Variants in RCC2 observed in about 807,000 individuals in gnomAD.
RCC2 encodes the protein protein RCC2.
In RCC2, 19 loss-of-function variants were observed where a neutral mutation model predicts 64.1. The ratio of observed to expected loss-of-function variants is 0.30; its 90% CI spans 0.21 to 0.44. RCC2 has a LOEUF of 0.44. Among genes scored for constraint, RCC2 ranks in the 20% least tolerant of loss-of-function variants. The pLI is 1.00. For missense variants in RCC2, 508 were observed against 710.4 expected, an observed-to-expected ratio of 0.72 and a Z score of 3.24; for synonymous variants, 325 against 279.6, an observed-to-expected ratio of 1.16 and a Z score of -1.62.
At chr1:17,414,668 G>T (rs1215554437) in intron 8 of RCC2, among the ~76,000 whole-genome samples, 2 of 151,364 alleles carry the variant, frequency 1.3e-5, no homozygotes, top group African/African-American at 4.9e-5. Context: ...CTCGTGCTCT[G>T]TTACCTAGGC....
At chr1:17,432,524 G>A (rs1019747587) in intron 2 of RCC2, among the ~76,000 whole-genome samples, 11 of 152,224 alleles carry the variant, frequency 7.2e-5, no homozygotes, top group African/African-American at 2.7e-4. Flanking sequence ...GGGCACCTGT[G>A]CTCAGTATGA....
chr1:17,432,675 C>T (rs775741172), intron 2 of RCC2, among the ~76,000 whole-genome samples: 2 of 152,252 alleles, frequency 1.3e-5, no homozygotes, highest in East Asian at 1.9e-4. Context: ...AGAGCTTAAC[C>T]GCAGTGGCCT....
At chr1:17,432,562 G>C (rs1366750540) in intron 2 of RCC2, among the ~76,000 whole-genome samples, 1 of 152,174 alleles carries the variant, frequency 6.6e-6, no homozygotes, top group Non-Finnish European at 1.5e-5. Context: ...ACCCTACACT[G>C]AGATGCAACC....
chr1:17,423,532 G>A (rs1415306483), intron 4 of RCC2, among the ~76,000 whole-genome samples: 2 of 152,338 alleles, frequency 1.3e-5, no homozygotes, highest in East Asian at 1.9e-4. Context: ...GCAGGCCTGA[G>A]GGCCAACCCC....
At chr1:17,423,520 A>G (rs1366888973) in intron 4 of RCC2, among the ~76,000 whole-genome samples, 5 of 152,244 alleles carry the variant, frequency 3.3e-5, no homozygotes, top group Admixed American at 2.6e-4. Context: ...TTCCAGCGGA[A>G]GGCAGGCCTG....
chr1:17,416,133 T>C (rs1038226956), intron 8 of RCC2, among the ~76,000 whole-genome samples: 2 of 148,122 alleles, frequency 1.4e-5, no homozygotes, highest in African/African-American at 5.0e-5. Context: ...ACATCCCCAG[T>C]ATGGGGCACC....
At chr1:17,436,462 C>G (rs1446280875) in intron 2 of RCC2, among the ~76,000 whole-genome samples, 8 of 152,258 alleles carry the variant, frequency 5.3e-5, no homozygotes, top group Non-Finnish European at 1.2e-4. Context: ...GAGCTGAGAT[C>G]GTGCCACTGC....
Position 17,407,559 on chromosome 1 carries a change from G to A in RCC2, c.*1531C>T, listed in dbSNP as rs3737768. ...GCCAGTCTCCTCCCACAGGGCCTTG[G>A]GACTGGCAGGACAGACACTGCTACA... On this transcript the variant is annotated 3_prime_UTR_variant, in exon 13 of 13. Coordinates refer to ENST00000375436, the MANE Select transcript of RCC2 (RefSeq NM_018715.4). The A allele has an allele frequency of 6.5e-6, 1 of 152,684 alleles. No individual in the cohort carries two copies. Among genetic ancestry groups the A allele is most frequent in the East Asian group, 1.9e-4 (1 of 5,178 alleles). The allele number at this position is 152,684 out of a possible 1,614,324, so 9.5% of individuals were successfully genotyped here.
intron 12 of RCC2, among the ~76,000 whole-genome samples, chr1:17,409,576 A>G (rs549293376): frequency 6.6e-5 from 10 of 152,264 alleles, no homozygotes; most frequent in African/African-American, 2.2e-4. Context: ...AGGCTGGCTG[A>G]CTGAGCCGCA....
rs113904239 is a variant in RCC2 at position 17,422,247 on chromosome 1, G to A, written c.700C>T (p.Leu234=). The change falls in exon 6 of 13, where the codon CTG becomes TTG. Residue 234 remains leucine (L), a synonymous_variant. Coordinates refer to ENST00000375436, the MANE Select transcript of RCC2 (RefSeq NM_018715.4). The part of the protein sequence containing the change: ...FAFGENKMGQ[L]GLGNQTDAVP... ...GCGTCTGTCTGGTTGCCAAGGCCCAGCTGCCCCATCTTGTTTTCCCCAAAC... is the reference window on the plus strand; with the variant it reads ...GCGTCTGTCTGGTTGCCAAGGCCCAACTGCCCCATCTTGTTTTCCCCAAAC... 1.9e-6 allele frequency: 3 copies of A among 1,612,116 alleles called. No individual in the cohort carries two copies. The highest frequency in any genetic ancestry group is 1.3e-5 in the African/African-American group (1 of 74,856).
chr1:17,431,648 G>A (rs919630028), intron 2 of RCC2, among the ~76,000 whole-genome samples: 4 of 151,560 alleles, frequency 2.6e-5, no homozygotes, highest in Non-Finnish European at 4.4e-5. Context: ...TCTTCATGAC[G>A]GATGATTTCC....
intron 4 of RCC2, among the ~76,000 whole-genome samples, chr1:17,424,592 G>A (rs1358382274): frequency 6.6e-6 from 1 of 152,184 alleles, no homozygotes; most frequent in Non-Finnish European, 1.5e-5. Flanking sequence ...TACAAAATTA[G>A]CCATGTGCAG....
intron 7 of RCC2, among the ~76,000 whole-genome samples, chr1:17,418,142 C>T (rs746136312): frequency 5.9e-5 from 9 of 151,982 alleles, no homozygotes; most frequent in East Asian, 3.9e-4. Flanking sequence ...ATCACAACTA[C>T]GCTACACACA....
chr1:17,413,418 CA>C (rs1212796885), intron 9 of RCC2, 118 bp downstream of exon 9: 8 of 1,161,510 alleles, frequency 6.9e-6, no homozygotes, highest in African/African-American at 1.6e-5. Context: ...GTTCCTGTCT[CA>C]AAAAAATAAA....
At chr1:17,412,234 C>T (rs1208256585) in intron 10 of RCC2, 40 bp from the exon 11 acceptor site, 35 of 1,592,798 alleles carry the variant, frequency 2.2e-5, no homozygotes, top group Non-Finnish European at 2.8e-5. Flanking sequence ...CCAGCAGCCC[C>T]AGACCTGCAC....
intron 7 of RCC2, among the ~76,000 whole-genome samples, chr1:17,420,095 G>A (rs1006721240): frequency 1.3e-5 from 2 of 152,188 alleles, no homozygotes; most frequent in African/African-American, 2.4e-5. Context: ...AGCCACAACC[G>A]GGAAGCGCAC....
intron 2 of RCC2, among the ~76,000 whole-genome samples, chr1:17,437,619 C>A (rs1268115709): frequency 6.6e-6 from 1 of 152,152 alleles, no homozygotes; most frequent in Non-Finnish European, 1.5e-5. Context: ...GCAAACAAAG[C>A]CCGAGCACCG....
chr1:17,432,983 G>GA (rs892256844), intron 2 of RCC2, among the ~76,000 whole-genome samples: 3 of 150,016 alleles, frequency 2.0e-5, no homozygotes, highest in Admixed American at 2.0e-4. Flanking sequence ...AAAAGAAAAA[G>GA]AAAAAAATAT....
At chr1:17,415,440 C>T (rs2075472035) in intron 8 of RCC2, among the ~76,000 whole-genome samples, 2 of 152,126 alleles carry the variant, frequency 1.3e-5, no homozygotes. Flanking sequence ...CAGCCGGGCG[C>T]GGTGGCTCAC....
Sources: allele counts gnomAD v4.1 joint callset (sites outside exome capture counted in the v4.1 genomes callset), GRCh38; gene constraint gnomAD v4.1.1; transcripts MANE v1.5; gene names NCBI Gene and HGNC (gene_info 2026-07-23, HGNC 2026-07-21).